DMXL1: variants seen among roughly 807,000 people sequenced by gnomAD.
DMXL1 encodes dmX-like protein 1.
Under a neutral mutation model 319.2 loss-of-function variants are expected in DMXL1, and 99 were observed. The ratio of observed to expected loss-of-function variants is 0.31; its 90% CI spans 0.26 to 0.37. The LOEUF (loss-of-function observed/expected upper bound fraction) is 0.37. Among genes scored for constraint, DMXL1 ranks in the 10% least tolerant of loss-of-function variants. The pLI is 1.00. For missense variants in DMXL1, 3,745 were observed against 3,595.6 expected (o/e 1.04, Z -1.06); for synonymous variants, 1,385 against 1,235.2 (o/e 1.12, Z -2.54).
At chr5:119,213,535 C>G (rs889026793) in intron 34 of DMXL1, among the ~76,000 whole-genome samples, 2 of 152,174 alleles carry the variant, frequency 1.3e-5, no homozygotes, top group Non-Finnish European at 2.9e-5. Context: ...AAAAAATACT[C>G]CATTTCTCTA....
rs1561902737 is a variant in DMXL1 at position 119,219,564 on chromosome 5, A to ATTT, written c.8014-908_8014-907insTTT. ...TTCAAAGATACACATTTAATTAATT[A>ATTT]ATTAATTTATTTATTTATTTATTTA... On this transcript the variant is annotated intron_variant, in intron 35 of 43. Transcript: ENST00000539542. Among the ~76,000 whole-genome samples the ATTT allele has an allele frequency of 7.8e-3, 1,144 of 146,348 alleles. 10 individuals carry two copies. The highest frequency in any genetic ancestry group is 0.03 in the African/African-American group (1,102 of 36,460).
chr5:119,178,103 A>T lies in DMXL1; in HGVS notation c.6994A>T (p.Ile2332Phe). The change falls in exon 28 of 44, where the codon ATC becomes TTC. Residue 2332 changes from isoleucine to phenylalanine, a missense_variant. This residue lies in a region of DMXL1 where 1,382 missense variants were observed against 1,269.5 expected (regional missense o/e 1.09). Transcript: ENST00000539542. Reference protein sequence around the residue: ...ILTAVYLSLFIHGLATHSSNE... With the variant: ...ILTAVYLSLFFHGLATHSSNE... Reference sequence around the variant, plus strand: ...CACAGCAGTGTATCTTAGTCTCTTCATCCATGGCCTGGCCACACATTCAAG... The same window carrying T: ...CACAGCAGTGTATCTTAGTCTCTTCTTCCATGGCCTGGCCACACATTCAAG... 1.2e-6 allele frequency: 2 copies of T among 1,614,008 alleles called. No individual in the cohort carries two copies. Among genetic ancestry groups the T allele is most frequent in the Non-Finnish European group, 1.7e-6 (2 of 1,179,896 alleles).
chr5:119,166,961 T>G (rs1773556999), intron 22 of DMXL1, among the ~76,000 whole-genome samples, 180 bp downstream of exon 22: 1 of 152,158 alleles, frequency 6.6e-6, no homozygotes, highest in African/African-American at 2.4e-5. Flanking sequence ...TTGAACGGTA[T>G]TTATACAGAA....
At position 119,170,906 on chromosome 5, in the gene DMXL1, G is replaced by C. The variant is rs1384457233; in HGVS notation, c.6115G>C (p.Val2039Leu). 6.2e-7 allele frequency: 1 copy of C among 1,613,168 alleles called. No individual in the cohort carries two copies. The highest frequency in any genetic ancestry group is 1.1e-5 in the South Asian group (1 of 90,976). Residue 2039 changes from valine (V) to leucine (L), a missense_variant, in exon 24 of 44, where the codon GTA becomes CTA. Coordinates refer to ENST00000539542, the MANE Select transcript of DMXL1 (RefSeq NM_001290321.3). ...TAGAGCATGTTTAAAGATTCTCACA[G>C]TAGAACTTCGTACTTTATCTACTGG... ...KFRACLKILT[V>L]ELRTLSTGYE...
intron 9 of DMXL1, among the ~76,000 whole-genome samples, chr5:119,122,449 C>G (rs981253252): frequency 6.6e-6 from 1 of 151,196 alleles, no homozygotes; most frequent in Non-Finnish European, 1.5e-5. Context: ...GCTAACCCCC[C>G]CCACCTCCCT....
At chr5:119,082,056 C>CACAT (rs1554082485) in intron 1 of DMXL1, among the ~76,000 whole-genome samples, 146 of 145,074 alleles carry the variant, frequency 1.0e-3, no homozygotes, top group Non-Finnish European at 1.9e-3. Context: ...CACACACACA[C>CACAT]ATACACGTAT....
chr5:119,134,316 A>G lies in DMXL1; in HGVS notation c.2303A>G (p.Gln768Arg). The G allele has an allele frequency of 6.2e-7, 1 of 1,613,974 alleles. No homozygotes were observed. The highest frequency in any genetic ancestry group is 2.2e-5 in the East Asian group (1 of 44,878). The change falls in exon 13 of 44, where the codon CAA becomes CGA. Residue 768 changes from glutamine (Q) to arginine (R), a missense_variant. Physicochemically the swap from Gln to Arg is conservative, Grantham distance 43 (BLOSUM62 1). Coordinates refer to ENST00000539542, the MANE Select transcript of DMXL1 (RefSeq NM_001290321.3). ...PSACFVASDG[Q>R]YLRLYEAVID... ...GCATGCTTTGTAGCCAGTGATGGAC[A>G]ATATCTGAGATTATATGAAGCAGTT...
In DMXL1 at chr5:119,133,362, C is replaced by T. The variant is rs1217328593; in HGVS notation, c.1546C>T (p.Pro516Ser). Residue 516 changes from proline to serine, a missense_variant, in exon 11 of 44, where the codon CCT (proline) becomes TCT (serine). Transcript: ENST00000539542. Reference sequence around the variant, plus strand: ...TGTGGATTGGCTGGATGAATACCAGCCTGGTATGTTTCGTCAAGTACAGGT... The same window carrying T: ...TGTGGATTGGCTGGATGAATACCAGTCTGGTATGTTTCGTCAAGTACAGGT... Reference protein sequence around the residue: ...WHVDWLDEYQPGMFRQVQVSF... With the variant: ...WHVDWLDEYQSGMFRQVQVSF... The T allele has an allele frequency of 1.2e-6, 2 of 1,612,628 alleles. No individual in the cohort carries two copies. Among genetic ancestry groups the T allele is most frequent in the Admixed American group, 1.7e-5 (1 of 60,010 alleles).
intron 19 of DMXL1, among the ~76,000 whole-genome samples, chr5:119,164,301 CT>C (rs1403862738): frequency 6.6e-6 from 1 of 151,990 alleles, no homozygotes; most frequent in Non-Finnish European, 1.5e-5. Flanking sequence ...CAAAAAAATG[CT>C]ATTTTTGCAA....
rs1187458273 is a variant in DMXL1 at position 119,206,015 on chromosome 5, T to A, written c.7864-819T>A. Reference sequence around the variant, plus strand: ...TTTCTTTATGTGTTTGAAAATGAAATTTTACAGTTTCTTCATCTGACCCTA... The same window carrying A: ...TTTCTTTATGTGTTTGAAAATGAAAATTTACAGTTTCTTCATCTGACCCTA... On this transcript the variant is annotated intron_variant, in intron 33 of 43. Coordinates refer to ENST00000539542, the MANE Select transcript of DMXL1 (RefSeq NM_001290321.3). Among the ~76,000 whole-genome samples the A allele has an allele frequency of 2.6e-5, 4 of 152,182 alleles. No individual in the cohort carries two copies. The East Asian group carries it at 7.7e-4, about 29-fold the overall frequency.
intron 28 of DMXL1, among the ~76,000 whole-genome samples, chr5:119,183,701 C>T (rs974123790): frequency 6.6e-6 from 1 of 152,088 alleles, no homozygotes; most frequent in African/African-American, 2.4e-5. Context: ...TTCAGTGATC[C>T]GCCTGCCCTG....
chr5:119,167,205 T>C (rs192906749), intron 22 of DMXL1, among the ~76,000 whole-genome samples: 1 of 152,262 alleles, frequency 6.6e-6, no homozygotes, highest in Admixed American at 6.5e-5. Context: ...AAATTGCCCT[T>C]TTGCTCAGAG....
At chr5:119,135,769 T>C (rs1765853135) in intron 13 of DMXL1, among the ~76,000 whole-genome samples, 1 of 152,198 alleles carries the variant, frequency 6.6e-6, no homozygotes, top group African/African-American at 2.4e-5. Flanking sequence ...TCTGCCATGA[T>C]TGTAAGTCCT....
Position 119,220,613 on chromosome 5 carries a change from C to G in DMXL1, c.8135+20C>G. 1 of 1,605,238 alleles carries G rather than the reference C, an allele frequency of 6.2e-7. No individual in the cohort carries two copies. Among genetic ancestry groups the G allele is most frequent in the South Asian group, 1.1e-5 (1 of 88,952 alleles). ...CAAAGGGTACCTTCATAGTTTGTTT[C>G]TATTTAGTAATGTTGCAATATGAGT... On this transcript the variant is annotated intron_variant, in intron 36 of 43. Transcript: ENST00000539542.
intron 41 of DMXL1, 131 bp from the exon 42 acceptor site, chr5:119,240,288 G>C: frequency 1.8e-6 from 1 of 547,740 alleles, no homozygotes; most frequent in Non-Finnish European, 3.2e-6. Context: ...TTGGTTACTT[G>C]TATTTGTTGC....
chr5:119,149,498 A>G lies in DMXL1; in HGVS notation c.3671A>G (p.Asp1224Gly). The G allele has an allele frequency of 6.2e-7, 1 of 1,613,928 alleles. No homozygotes were observed. The highest frequency in any genetic ancestry group is 8.5e-7 in the Non-Finnish European group (1 of 1,179,894). Residue 1224 changes from aspartate to glycine, a missense_variant, in exon 18 of 44, where the codon GAT (aspartate) becomes GGT (glycine). Around this residue, in one of 4 missense-constraint regions of DMXL1, gnomAD observed 2,096 missense variants for 1,985.4 expected, o/e 1.06. Coordinates refer to ENST00000539542, the MANE Select transcript of DMXL1 (RefSeq NM_001290321.3). Reference protein sequence around the residue: ...PFPVSLSWVRDGILVVGMDCE... With the variant: ...PFPVSLSWVRGGILVVGMDCE... ...CCTGTTTCTTTATCGTGGGTCCGGG[A>G]TGGCATCCTTGTGGTAGGAATGGAC...
At chr5:119,153,839 T>G (rs530830129) in intron 19 of DMXL1, among the ~76,000 whole-genome samples, 4 of 152,230 alleles carry the variant, frequency 2.6e-5, no homozygotes, top group Non-Finnish European at 4.4e-5. Context: ...AATACAGCAG[T>G]TTTTACAAAT....
intron 1 of DMXL1, among the ~76,000 whole-genome samples, chr5:119,082,020 T>TATATATACACACACAC (rs1200957102): frequency 9.2e-6 from 1 of 108,164 alleles, no homozygotes; most frequent in African/African-American, 4.2e-5. Flanking sequence ...TATATATATA[T>TATATATACACACACAC]ACACACACAC....
At chr5:119,111,922 C>T (rs1467615208) in intron 5 of DMXL1, among the ~76,000 whole-genome samples, 2 of 151,970 alleles carry the variant, frequency 1.3e-5, no homozygotes, top group Non-Finnish European at 2.9e-5. Context: ...GAAATAGGTG[C>T]TCTTGTATAC....
Sources: gnomAD v4.1 joint callset for allele counts (sites outside exome capture counted in the v4.1 genomes callset) on GRCh38, gnomAD v4.1.1 for gene constraint, gnomAD v4.1.1 regional missense constraint, MANE v1.5 for transcripts, NCBI Gene and HGNC (gene_info 2026-07-23, HGNC 2026-07-21) for gene names.